The following PHACTR3 variants were observed in gnomAD, a reference collection of about 807,000 sequenced individuals.
PHACTR3 encodes the protein protein phosphatase 1, regulatory subunit 123.
A neutral mutation model predicts 66.8 loss-of-function variants in PHACTR3; 16 were observed. The ratio of observed to expected loss-of-function variants is 0.24; its 90% CI spans 0.16 to 0.36. PHACTR3 has a LOEUF of 0.36. Ranked by LOEUF, PHACTR3 falls within the 10% of genes least tolerant of loss-of-function variation. The pLI is 1.00. For synonymous variants in PHACTR3, 323 were observed against 292.1 expected, an observed-to-expected ratio of 1.11 and a Z score of -1.08; for missense variants, 647 against 719.9, an observed-to-expected ratio of 0.90 and a Z score of 1.16.
At chr20:59,655,489 G>A (rs2035588433) in intron 1 of PHACTR3, among the ~76,000 whole-genome samples, 1 of 151,780 alleles carries the variant, frequency 6.6e-6, no homozygotes, top group Admixed American at 6.6e-5. Flanking sequence ...TGTGATATTG[G>A]TAGTGTTGGC....
At chr20:59,622,413 G>T (rs996391202) in intron 1 of PHACTR3, among the ~76,000 whole-genome samples, 2 of 152,162 alleles carry the variant, frequency 1.3e-5, no homozygotes, top group African/African-American at 4.8e-5. Context: ...AGTTCCAGAT[G>T]AGGCACGTGA....
At chr20:59,697,704 G>A (rs952959252) in intron 1 of PHACTR3, among the ~76,000 whole-genome samples, 3 of 152,114 alleles carry the variant, frequency 2.0e-5, no homozygotes, top group Non-Finnish European at 4.4e-5. Flanking sequence ...AAAAGAACAA[G>A]CAGGACATTT....
At chr20:59,591,675 C>T (rs1451538308) in intron 1 of PHACTR3, among the ~76,000 whole-genome samples, 9 of 152,006 alleles carry the variant, frequency 5.9e-5, no homozygotes, top group Non-Finnish European at 1.2e-4. Flanking sequence ...CATTGAGATC[C>T]ATTGAGACTC....
chr20:59,677,815 C>A (rs1477587974), intron 1 of PHACTR3, among the ~76,000 whole-genome samples: 2 of 152,030 alleles, frequency 1.3e-5, no homozygotes, highest in East Asian at 1.9e-4. Context: ...CATACACAAT[C>A]GAAGAATAAC....
intron 1 of PHACTR3, among the ~76,000 whole-genome samples, chr20:59,670,605 TGG>T (rs34092952): frequency 5.3e-4 from 25 of 47,156 alleles, no homozygotes; most frequent in Admixed American, 1.0e-3. Flanking sequence ...CTGCCGGGGG[TGG>T]GGGGGGGGGG....
chr20:59,783,265 G>A (rs1221268421), intron 7 of PHACTR3, among the ~76,000 whole-genome samples: 1 of 152,172 alleles, frequency 6.6e-6, no homozygotes, highest in Non-Finnish European at 1.5e-5. Flanking sequence ...TCGCTGGGAT[G>A]CAGGATGCTT....
At chr20:59,723,901 C>G (rs1370593346) in intron 1 of PHACTR3, among the ~76,000 whole-genome samples, 1 of 152,048 alleles carries the variant, frequency 6.6e-6, no homozygotes, top group Non-Finnish European at 1.5e-5. Flanking sequence ...AGTAGAATCA[C>G]TGTATGGTGA....
At chr20:59,695,566 C>G (rs2037264782) in intron 1 of PHACTR3, among the ~76,000 whole-genome samples, 1 of 152,168 alleles carries the variant, frequency 6.6e-6, no homozygotes, top group Non-Finnish European at 1.5e-5. Flanking sequence ...TGGACTAATA[C>G]AACCACTTCT....
chr20:59,771,582 G>A (rs997866293), intron 5 of PHACTR3, among the ~76,000 whole-genome samples: 7 of 143,048 alleles, frequency 4.9e-5, no homozygotes, highest in Non-Finnish European at 1.1e-4. Context: ...GTGCCCTCTC[G>A]CCCCCCTCCC....
At chr20:59,760,678 T>A (rs936200423) in intron 4 of PHACTR3, among the ~76,000 whole-genome samples, 8 of 152,148 alleles carry the variant, frequency 5.3e-5, no homozygotes, top group African/African-American at 1.9e-4. Flanking sequence ...GTCTCAGGTA[T>A]GTCTTTATCA....
intron 1 of PHACTR3, among the ~76,000 whole-genome samples, chr20:59,634,532 C>T (rs2034779819): frequency 6.6e-6 from 1 of 152,202 alleles, no homozygotes; most frequent in Admixed American, 6.5e-5. Flanking sequence ...CCTGCTGCTC[C>T]TTTGTTGATG....
intron 1 of PHACTR3, among the ~76,000 whole-genome samples, chr20:59,723,060 C>CTCTTTCTT (rs140524195): frequency 0.084 from 9,914 of 118,628 alleles, 545 homozygotes; most frequent in Non-Finnish European, 0.091. Context: ...TTCTTTCTTT[C>CTCTTTCTT]TCTTTCTTTC....
chr20:59,785,013 G>A (rs1368635214), intron 7 of PHACTR3, among the ~76,000 whole-genome samples: 1 of 151,906 alleles, frequency 6.6e-6, no homozygotes, highest in Non-Finnish European at 1.5e-5. Context: ...GACTTTCCGA[G>A]GGTGGGAGGG....
intron 4 of PHACTR3, among the ~76,000 whole-genome samples, chr20:59,759,196 C>A (rs1419976433): frequency 2.6e-5 from 4 of 152,192 alleles, no homozygotes; most frequent in African/African-American, 9.7e-5. Context: ...CCTCATCCAG[C>A]CCTGCAGGCC....
At chr20:59,728,356 T>A (rs1050770497) in intron 1 of PHACTR3, among the ~76,000 whole-genome samples, 4 of 152,016 alleles carry the variant, frequency 2.6e-5, no homozygotes, top group African/African-American at 9.7e-5. Context: ...TTCTTGGAAA[T>A]GTGAAATATA....
intron 1 of PHACTR3, among the ~76,000 whole-genome samples, chr20:59,725,983 C>T (rs1015191158): frequency 8.5e-5 from 13 of 152,158 alleles, no homozygotes; most frequent in Non-Finnish European, 1.9e-4. Flanking sequence ...ATCCAGTGTT[C>T]TACTCCGATC....
At chr20:59,632,921 G>T (rs1191790614) in intron 1 of PHACTR3, among the ~76,000 whole-genome samples, 2 of 152,162 alleles carry the variant, frequency 1.3e-5, no homozygotes, top group African/African-American at 4.8e-5. Context: ...GGAGTATCAT[G>T]GTGTTTCCCG....
chr20:59,840,387 A>G lies in PHACTR3; in HGVS notation c.1403A>G (p.Glu468Gly), dbSNP rs2059036832. 2.5e-6 allele frequency: 4 copies of G among 1,612,724 alleles called. No individual in the cohort carries two copies. Among genetic ancestry groups the G allele is most frequent in the Non-Finnish European group, 3.4e-6 (4 of 1,179,104 alleles). Residue 468 changes from glutamate (E) to glycine (G), a missense_variant, in exon 10 of 13, where the codon GAG becomes GGG. Coordinates refer to ENST00000371015, the MANE Select transcript of PHACTR3 (RefSeq NM_080672.5). ...TTCACAGAAAGGAATGATCAGACAG[A>G]GCAGGAAGAAAGAAGAGAAATCAAG... Reference protein sequence around the residue: ...NILKQRNDQTEQEERREIKQR... With the variant: ...NILKQRNDQTGQEERREIKQR...
intron 1 of PHACTR3, among the ~76,000 whole-genome samples, chr20:59,730,148 C>T (rs6027062): frequency 0.33 from 49,908 of 151,994 alleles, 10,230 homozygotes; most frequent in African/African-American, 0.58. Context: ...TCTGCTCTCA[C>T]GGTCAAGTAG....
Sources: gnomAD v4.1 joint callset for allele counts (sites outside exome capture counted in the v4.1 genomes callset) on GRCh38, gnomAD v4.1.1 for gene constraint, MANE v1.5 for transcripts, NCBI Gene and HGNC (gene_info 2026-07-23, HGNC 2026-07-21) for gene names.